CFAP299: variants seen among roughly 807,000 people sequenced by gnomAD.
The protein encoded by CFAP299 is cilia and flagella associated protein 299, also known as cilia- and flagella-associated protein 299.
Under a neutral mutation model 27.0 loss-of-function variants are expected in CFAP299, and 21 were observed. That is an observed-to-expected ratio of 0.78 (90% CI 0.55 to 1.12). The LOEUF (loss-of-function observed/expected upper bound fraction) is 1.12, where lower values mean the gene tolerates loss of function less well. Ranked by LOEUF, CFAP299 falls within the 50% of genes most tolerant of loss-of-function variation. The pLI is 0.00. For missense variants in CFAP299, 310 were observed against 276.6 expected (o/e 1.12, Z -0.86); for synonymous variants, 104 against 98.1 (o/e 1.06, Z -0.36).
intron 3 of CFAP299, among the ~76,000 whole-genome samples, chr4:80,625,604 C>CA (rs1560663651): frequency 1.3e-5 from 2 of 151,578 alleles, no homozygotes; most frequent in Non-Finnish European, 3.0e-5. Context: ...ATTTAAAAAA[C>CA]AAAAAAACAA....
chr4:80,537,123 C>A (rs954903392), intron 2 of CFAP299, among the ~76,000 whole-genome samples: 1 of 152,046 alleles, frequency 6.6e-6, no homozygotes, highest in African/African-American at 2.4e-5. Context: ...CAGGGAAATG[C>A]AAATTAAAAG....
At chr4:80,748,453 T>C (rs1724742962) in intron 3 of CFAP299, among the ~76,000 whole-genome samples, 1 of 152,154 alleles carries the variant, frequency 6.6e-6, no homozygotes, top group Non-Finnish European at 1.5e-5. Context: ...CTTGCAGATT[T>C]CTCTAGCTTA....
chr4:80,658,359 G>A (rs568845585), intron 3 of CFAP299, among the ~76,000 whole-genome samples: 26 of 152,224 alleles, frequency 1.7e-4, no homozygotes, highest in Middle Eastern at 3.4e-3. Flanking sequence ...TGTGATATTG[G>A]CTGTGGGTTT....
chr4:80,919,086 T>C (rs1735909465), intron 4 of CFAP299, among the ~76,000 whole-genome samples: 1 of 152,124 alleles, frequency 6.6e-6, no homozygotes, highest in African/African-American at 2.4e-5. Flanking sequence ...GTCTGTAGTT[T>C]CCACAATTTG....
chr4:80,630,480 T>A (rs1739150275), intron 3 of CFAP299, among the ~76,000 whole-genome samples: 1 of 152,058 alleles, frequency 6.6e-6, no homozygotes, highest in Admixed American at 6.6e-5. Flanking sequence ...GTTATTAGAG[T>A]GATGACTACA....
At chr4:80,521,165 G>A (rs1732892604) in intron 2 of CFAP299, among the ~76,000 whole-genome samples, 1 of 152,086 alleles carries the variant, frequency 6.6e-6, no homozygotes, top group South Asian at 2.1e-4. Flanking sequence ...GAGATTATAG[G>A]TCTTTTTCCT....
chr4:80,811,940 A>G (rs987194831), intron 3 of CFAP299, among the ~76,000 whole-genome samples: 3 of 152,112 alleles, frequency 2.0e-5, no homozygotes, highest in Non-Finnish European at 4.4e-5. Context: ...AATGCAATAT[A>G]TAAAGAGATA....
chr4:80,704,593 C>T lies in CFAP299; in HGVS notation c.333+121410C>T, dbSNP rs1560708769. Among the ~76,000 whole-genome samples, 3 of 151,732 alleles carry T rather than the reference C, an allele frequency of 2.0e-5. No individual in the cohort carries two copies. In the South Asian group the frequency reaches 6.2e-4, roughly 31 times the overall value. ...ATGGTTAAGTTTATAATAGATATAG[C>T]AGATAATGGGCATAATTATATGTCA... On this transcript the variant is annotated intron_variant, in intron 3 of 5. Coordinates refer to ENST00000358105, the MANE Select transcript of CFAP299 (RefSeq NM_152770.3).
intron 1 of CFAP299, among the ~76,000 whole-genome samples, chr4:80,345,632 C>T (rs930664944): frequency 1.3e-5 from 2 of 152,120 alleles, no homozygotes; most frequent in African/African-American, 4.8e-5. Flanking sequence ...GCATAGTATT[C>T]CATGGTGTCT....
At chr4:80,803,743 T>G (rs34062733) in intron 3 of CFAP299, among the ~76,000 whole-genome samples, 22,678 of 149,092 alleles carry the variant, frequency 0.15, 2,224 homozygotes, top group African/African-American at 0.27. Context: ...ATATATATTT[T>G]ATTTAACTAA....
At chr4:80,748,199 CACATG>C (rs1356106439) in intron 3 of CFAP299, among the ~76,000 whole-genome samples, 1 of 152,110 alleles carries the variant, frequency 6.6e-6, no homozygotes, top group Non-Finnish European at 1.5e-5. Context: ...CATTAAGTAA[CACATG>C]ACTATATTTG....
chr4:80,851,979 G>A (rs1731553441), intron 3 of CFAP299, among the ~76,000 whole-genome samples: 1 of 152,128 alleles, frequency 6.6e-6, no homozygotes, highest in African/African-American at 2.4e-5. Flanking sequence ...CTTCTACAAG[G>A]ATAGATCTGG....
At chr4:80,434,870 T>A (rs1727988459) in intron 2 of CFAP299, among the ~76,000 whole-genome samples, 1 of 152,210 alleles carries the variant, frequency 6.6e-6, no homozygotes, top group Non-Finnish European at 1.5e-5. Context: ...GGTTGTTATA[T>A]CTTAGAAGGC....
At chr4:80,383,521 C>A (rs1402769369) in intron 2 of CFAP299, among the ~76,000 whole-genome samples, 2 of 152,040 alleles carry the variant, frequency 1.3e-5, no homozygotes, top group Non-Finnish European at 2.9e-5. Context: ...ACCATAATTT[C>A]CATCAGCATT....
At chr4:80,756,309 G>T (rs7668326) in intron 3 of CFAP299, among the ~76,000 whole-genome samples, 21,791 of 151,920 alleles carry the variant, frequency 0.14, 1,940 homozygotes, top group African/African-American at 0.24. Flanking sequence ...AAAACTTACT[G>T]TGTTTTTTCT....
At chr4:80,511,174 C>G (rs1051260950) in intron 2 of CFAP299, among the ~76,000 whole-genome samples, 1 of 152,120 alleles carries the variant, frequency 6.6e-6, no homozygotes, top group African/African-American at 2.4e-5. Flanking sequence ...CTTGAACAAT[C>G]TGTTTAATTT....
intron 4 of CFAP299, among the ~76,000 whole-genome samples, chr4:80,942,792 T>C (rs140026475): frequency 2.6e-5 from 4 of 152,302 alleles, no homozygotes; most frequent in East Asian, 3.9e-4. Flanking sequence ...TAAATAATTA[T>C]TGAAGGAGAA....
Position 80,895,170 on chromosome 4 carries a change from C to CCACACACA in CFAP299, c.476+25057_476+25064dup, listed in dbSNP as rs66497721. On this transcript the variant is annotated intron_variant, in intron 4 of 5. Transcript: ENST00000358105. ...AGATAATAGCTCTTAAATGTTCTCACCACACACACACACACACACACACAC... is the reference window on the plus strand; with the variant it reads ...AGATAATAGCTCTTAAATGTTCTCACCACACACACACACACACACACACACACACACAC... Among the ~76,000 whole-genome samples, 51 of 132,658 alleles carry CCACACACA rather than the reference C, an allele frequency of 3.8e-4. 1 individual carries two copies. The highest frequency in any genetic ancestry group is 1.1e-3 in the East Asian group (5 of 4,656). 87.0% of individuals were successfully genotyped at this position (132,658 alleles called of 152,430 possible).
chr4:80,638,795 G>C (rs1485032451), intron 3 of CFAP299, among the ~76,000 whole-genome samples: 1 of 152,120 alleles, frequency 6.6e-6, no homozygotes, highest in East Asian at 1.9e-4. Context: ...AATATTTTAG[G>C]GCACTCAATA....
Sources: gnomAD v4.1 joint callset for allele counts (sites outside exome capture counted in the v4.1 genomes callset) on GRCh38, gnomAD v4.1.1 for gene constraint, MANE v1.5 for transcripts, NCBI Gene and HGNC (gene_info 2026-07-23, HGNC 2026-07-21) for gene names.